NRDE2: variants seen among roughly 807,000 people sequenced by gnomAD.
NRDE2 encodes nuclear exosome regulator NRDE2.
In NRDE2, 76 loss-of-function variants were observed where a neutral mutation model predicts 124.2. The observed-to-expected ratio is 0.61, with a 90% CI of 0.51 to 0.74. The LOEUF (loss-of-function observed/expected upper bound fraction) is 0.74. NRDE2 is among the 30% of genes least tolerant of loss of function. The pLI is 0.00. For synonymous variants in NRDE2, 489 were observed against 528.1 expected (o/e 0.93, Z 1.01); for missense variants, 1,314 against 1,417.3 (o/e 0.93, Z 1.17).
At position 90,326,410 on chromosome 14, in the gene NRDE2, C is replaced by T. The variant is rs193293754; in HGVS notation, c.64+5431G>A. On this transcript the variant is annotated intron_variant, in intron 1 of 13. Coordinates refer to ENST00000354366, the MANE Select transcript of NRDE2 (RefSeq NM_017970.4). ...TCGGGAGGCTGAGGCAGGAGAATGG[C>T]GTGAACCCGGGAAGCGGAGCTTGCA... Among the ~76,000 whole-genome samples, 1,088 of 150,482 alleles carry T rather than the reference C, an allele frequency of 7.2e-3. 20 individuals carry two copies. The highest frequency in any genetic ancestry group is 0.026 in the African/African-American group (1,055 of 40,966).
At chr14:90,320,739 T>G (rs1395981200) in intron 1 of NRDE2, among the ~76,000 whole-genome samples, 1 of 152,188 alleles carries the variant, frequency 6.6e-6, no homozygotes, top group Non-Finnish European at 1.5e-5. Flanking sequence ...GGTTCCAACT[T>G]AAGTGCCTAC....
chr14:90,328,792 C>G (rs1885554693), intron 1 of NRDE2, among the ~76,000 whole-genome samples: 1 of 152,152 alleles, frequency 6.6e-6, no homozygotes, highest in Non-Finnish European at 1.5e-5. Context: ...GAAACATTTA[C>G]AGGACAAATG....
Position 90,268,427 on chromosome 14 carries a change from T to TA in NRDE2, c.*9908dup, listed in dbSNP as rs1891573357. On this transcript the variant is annotated 3_prime_UTR_variant, in exon 14 of 14. Transcript: ENST00000354366. ...TGGGACAAAAAGGTAGACTTTCTCA[T>TA]ACTTATTTTGCCTTGTTTAGTAGGG... The TA allele has an allele frequency of 6.2e-7, 1 of 1,613,530 alleles. No individual in the cohort carries two copies.
At chr14:90,304,442 T>G in intron 4 of NRDE2, 60 bp from the exon 5 acceptor site, 3 of 1,279,004 alleles carry the variant, frequency 2.3e-6, no homozygotes, top group Non-Finnish European at 3.2e-6. Flanking sequence ...TCTGAATGAC[T>G]AAAGGCGCAT....
chr14:90,307,677 C>T (rs957262651), intron 4 of NRDE2, among the ~76,000 whole-genome samples: 1 of 152,192 alleles, frequency 6.6e-6, no homozygotes, highest in East Asian at 1.9e-4. Flanking sequence ...AGATTGAGAC[C>T]ATACTGGCTA....
chr14:90,280,316 T>A (rs1416398349), intron 12 of NRDE2: 1 of 152,194 alleles, frequency 6.6e-6, no homozygotes, highest in Non-Finnish European at 1.5e-5. Flanking sequence ...CCCCAGCCTC[T>A]GTGAGTGCCA....
intron 1 of NRDE2, among the ~76,000 whole-genome samples, chr14:90,329,671 T>C (rs1885589781): frequency 6.6e-6 from 1 of 151,098 alleles, no homozygotes; most frequent in Non-Finnish European, 1.5e-5. Flanking sequence ...ACCCCATTTC[T>C]ACTAAAAATA....
At chr14:90,293,870 C>T (rs892481847) in intron 8 of NRDE2, among the ~76,000 whole-genome samples, 2 of 152,230 alleles carry the variant, frequency 1.3e-5, no homozygotes, top group African/African-American at 4.8e-5. Flanking sequence ...CAAAATGGTA[C>T]AGCCACACAG....
chr14:90,291,956 C>T (rs933344181), intron 9 of NRDE2, among the ~76,000 whole-genome samples: 2 of 152,236 alleles, frequency 1.3e-5, no homozygotes, highest in African/African-American at 4.8e-5. Flanking sequence ...CAGGGCGCCT[C>T]GTTTGTAGAA....
intron 3 of NRDE2, 24 bp from the exon 4 acceptor site, chr14:90,312,567 A>G (rs1278899403): frequency 6.2e-7 from 1 of 1,612,368 alleles, no homozygotes; most frequent in Non-Finnish European, 8.5e-7. Flanking sequence ...GAAGAAGAAG[A>G]AGGGAGAGGC....
chr14:90,331,090 CTTTTTTT>C (rs571611307), intron 1 of NRDE2, among the ~76,000 whole-genome samples: 1 of 150,916 alleles, frequency 6.6e-6, no homozygotes. Flanking sequence ...CCACGCCTGG[CTTTTTTT>C]TTAAGAGACA....
At chr14:90,314,885 G>A (rs1037181356) in intron 3 of NRDE2, among the ~76,000 whole-genome samples, 1 of 151,790 alleles carries the variant, frequency 6.6e-6, no homozygotes, top group Non-Finnish European at 1.5e-5. Context: ...GAGCAAGCTT[G>A]GGGGCTGGGT....
chr14:90,330,214 A>AAAAAAAAT lies in NRDE2; in HGVS notation c.64+1626_64+1627insATTTTTTT, dbSNP rs745959113. Among the ~76,000 whole-genome samples, 3 of 139,306 alleles carry AAAAAAAAT rather than the reference A, an allele frequency of 2.2e-5. No homozygotes were observed. The South Asian group carries it at 6.7e-4, about 31-fold the overall frequency. 91.4% of individuals were successfully genotyped at this position (139,306 alleles called of 152,430 possible). ...AGAGCAAGACTTGGTCTCAAAAAAA[A>AAAAAAAAT]AAATAAATAAATAAATAAATAAAAA... On this transcript the variant is annotated intron_variant, in intron 1 of 13. Transcript: ENST00000354366.
At chr14:90,309,659 T>A (rs1328669556) in intron 4 of NRDE2, among the ~76,000 whole-genome samples, 1 of 152,084 alleles carries the variant, frequency 6.6e-6, no homozygotes, top group African/African-American at 2.4e-5. Context: ...AGCTGTTGCT[T>A]CTCTCAAAAG....
chr14:90,290,004 C>T (rs547435143), intron 10 of NRDE2, among the ~76,000 whole-genome samples: 12 of 152,220 alleles, frequency 7.9e-5, no homozygotes, highest in South Asian at 2.1e-4. Flanking sequence ...ATAAACAGCT[C>T]GAGAGTCACT....
intron 1 of NRDE2, among the ~76,000 whole-genome samples, 175 bp downstream of exon 1, chr14:90,331,666 C>A (rs1425000349): frequency 2.0e-5 from 3 of 152,226 alleles, no homozygotes; most frequent in Non-Finnish European, 4.4e-5. Context: ...CCAGAACAGG[C>A]CTCTGGGCCC....
chr14:90,312,573 G>C, intron 3 of NRDE2, 30 bp from the exon 4 acceptor site: 1 of 1,612,102 alleles, frequency 6.2e-7, no homozygotes, highest in South Asian at 1.1e-5. Context: ...GAAGAAGGGA[G>C]AGGCACTTTA....
Position 90,289,076 on chromosome 14 carries a change from C to A in NRDE2, c.2299G>T (p.Ala767Ser). ...KSQGKNCKKLAKNLLKEPENC... is the reference protein window; with the variant it reads ...KSQGKNCKKLSKNLLKEPENC... ...TCTGGCTCCTTAAGGAGATTCTTGG[C>A]TAGTTTTTTGCAGTTCTTCCCTTGA... The change falls in exon 11 of 14, where the codon GCC (alanine) becomes TCC (serine). Residue 767 changes from alanine to serine, a missense_variant. By Grantham distance (99) the Ala-to-Ser change is moderately conservative. Transcript: ENST00000354366. The A allele has an allele frequency of 1.2e-6, 2 of 1,613,968 alleles. No homozygotes were observed. The highest frequency in any genetic ancestry group is 2.2e-5 in the South Asian group (2 of 91,084).
At chr14:90,296,472 C>T (rs1290659277) in intron 8 of NRDE2, among the ~76,000 whole-genome samples, 1 of 152,186 alleles carries the variant, frequency 6.6e-6, no homozygotes, top group Non-Finnish European at 1.5e-5. Context: ...CAGCACTGCC[C>T]AGAGGAGAGT....
Sources: gnomAD v4.1 joint callset for allele counts (sites outside exome capture counted in the v4.1 genomes callset) on GRCh38, gnomAD v4.1.1 for gene constraint, MANE v1.5 for transcripts, NCBI Gene and HGNC (gene_info 2026-07-23, HGNC 2026-07-21) for gene names.